SGIP1: variants seen among roughly 807,000 people sequenced by gnomAD.
SGIP1 encodes the protein SH3GL interacting endocytic adaptor 1.
Under a neutral mutation model 107.5 loss-of-function variants are expected in SGIP1, and 38 were observed. The ratio of observed to expected loss-of-function variants is 0.35; its 90% CI spans 0.27 to 0.46. SGIP1 has a LOEUF of 0.46. Among genes scored for constraint, SGIP1 ranks in the 20% least tolerant of loss-of-function variants. SGIP1 has a pLI of 1.00. For missense variants in SGIP1, 929 were observed against 1,019.5 expected (o/e 0.91, Z 1.21); for synonymous variants, 365 against 366.1 (o/e 1.00, Z 0.03).
At chr1:66,697,694 C>T (rs569230613) in intron 18 of SGIP1, among the ~76,000 whole-genome samples, 24 of 152,252 alleles carry the variant, frequency 1.6e-4, no homozygotes, top group East Asian at 3.9e-4. Flanking sequence ...CATGTATGTA[C>T]GCTAGACTCG....
At chr1:66,634,662 C>T (rs1480402603) in intron 3 of SGIP1, among the ~76,000 whole-genome samples, 2 of 152,170 alleles carry the variant, frequency 1.3e-5, no homozygotes, top group African/African-American at 2.4e-5. Flanking sequence ...TATCACTGAT[C>T]ATGATTATTA....
intron 18 of SGIP1, among the ~76,000 whole-genome samples, chr1:66,707,172 A>C (rs533880630): frequency 7.2e-5 from 11 of 152,136 alleles, no homozygotes; most frequent in African/African-American, 2.7e-4. Context: ...GTTATGCTCC[A>C]TTGTTTTCAC....
At chr1:66,631,159 T>G (rs191992660) in intron 2 of SGIP1, among the ~76,000 whole-genome samples, 13 of 152,208 alleles carry the variant, frequency 8.5e-5, no homozygotes, top group African/African-American at 2.6e-4. Context: ...TTGATGAGTA[T>G]GGATTGGTAC....
chr1:66,671,074 C>A, intron 10 of SGIP1, 55 bp downstream of exon 10: 1 of 943,182 alleles, frequency 1.1e-6, no homozygotes, highest in Non-Finnish European at 1.6e-6. Flanking sequence ...AAGAACAGTT[C>A]CTTGGATCTT....
intron 10 of SGIP1, among the ~76,000 whole-genome samples, chr1:66,671,254 T>C (rs543782091): frequency 1.1e-4 from 17 of 152,314 alleles, no homozygotes; most frequent in Admixed American, 2.6e-4. Context: ...ACATTGCTAT[T>C]TTCTTTCTAT....
At chr1:66,709,052 G>C (rs369864679) in intron 18 of SGIP1, among the ~76,000 whole-genome samples, 1 of 150,532 alleles carries the variant, frequency 6.6e-6, no homozygotes, top group South Asian at 2.1e-4. Context: ...GGATACATGC[G>C]CAGAGTTCTG....
intron 7 of SGIP1, among the ~76,000 whole-genome samples, chr1:66,653,524 A>G (rs1308109000): frequency 6.6e-6 from 1 of 152,072 alleles, no homozygotes; most frequent in African/African-American, 2.4e-5. Context: ...TAAGGGTTAG[A>G]TTTTTCTTGC....
chr1:66,644,948 T>C (rs2077412556), intron 7 of SGIP1, among the ~76,000 whole-genome samples: 1 of 152,230 alleles, frequency 6.6e-6, no homozygotes, highest in Non-Finnish European at 1.5e-5. Flanking sequence ...TAAAGTTACA[T>C]ATTGGCCTGT....
chr1:66,667,871 A>G (rs2082922395), intron 9 of SGIP1, among the ~76,000 whole-genome samples: 2 of 152,208 alleles, frequency 1.3e-5, no homozygotes. Context: ...AGAAAGTACC[A>G]TAGAAGTTGA....
At chr1:66,558,463 CTA>C (rs1387809965) in intron 1 of SGIP1, among the ~76,000 whole-genome samples, 4 of 151,738 alleles carry the variant, frequency 2.6e-5, no homozygotes, top group South Asian at 2.1e-4. Flanking sequence ...GTATATTAGA[CTA>C]TATATTATAT....
chr1:66,609,939 A>G (rs1157044498), intron 1 of SGIP1, among the ~76,000 whole-genome samples: 1 of 152,010 alleles, frequency 6.6e-6, no homozygotes, highest in Non-Finnish European at 1.5e-5. Flanking sequence ...TTTTTTCATC[A>G]TTATTAAAGT....
intron 7 of SGIP1, among the ~76,000 whole-genome samples, chr1:66,654,663 CAT>C (rs1255193046): frequency 1.3e-5 from 2 of 152,106 alleles, no homozygotes; most frequent in East Asian, 1.9e-4. Flanking sequence ...GTGAATCACT[CAT>C]ATTAATTATG....
chr1:66,616,732 C>T (rs2069414332), intron 1 of SGIP1, among the ~76,000 whole-genome samples: 1 of 152,128 alleles, frequency 6.6e-6, no homozygotes, highest in African/African-American at 2.4e-5. Context: ...CAGCAAACAC[C>T]AAGTCCTTTT....
chr1:66,635,058 A>G (rs973820382), intron 3 of SGIP1, among the ~76,000 whole-genome samples: 4 of 152,244 alleles, frequency 2.6e-5, no homozygotes, highest in African/African-American at 9.6e-5. Context: ...TCATTAATGT[A>G]GTTCCACAAA....
At chr1:66,707,177 T>C (rs568714194) in intron 18 of SGIP1, among the ~76,000 whole-genome samples, 15 of 152,150 alleles carry the variant, frequency 9.9e-5, no homozygotes, top group Non-Finnish European at 1.8e-4. Flanking sequence ...GCTCCATTGT[T>C]TTCACAACTT....
chr1:66,678,604 G>A (rs1054419584), intron 13 of SGIP1, among the ~76,000 whole-genome samples: 1 of 152,158 alleles, frequency 6.6e-6, no homozygotes, highest in African/African-American at 2.4e-5. Context: ...GCTTTCAGAA[G>A]CTCATAATTA....
intron 5 of SGIP1, 33 bp from the exon 6 acceptor site, chr1:66,642,777 A>T (rs771319682): frequency 6.4e-7 from 1 of 1,573,106 alleles, no homozygotes; most frequent in Non-Finnish European, 8.7e-7. Flanking sequence ...CTGTTAGGAT[A>T]ATAATTACTT....
intron 12 of SGIP1, 143 bp from the exon 13 acceptor site, chr1:66,676,861 C>G: frequency 1.6e-6 from 1 of 635,090 alleles, no homozygotes; most frequent in South Asian, 2.0e-5. Context: ...GAATAAGGAG[C>G]AGCACATTCC....
rs115309025 is a variant in SGIP1, at chr1:66,610,682, G to C, written c.11-15165G>C. Among the ~76,000 whole-genome samples the C allele has an allele frequency of 5.2e-3, 781 of 149,338 alleles. 7 individuals carry two copies. The highest frequency in any genetic ancestry group is 0.018 in the African/African-American group (744 of 40,542). On this transcript the variant is annotated intron_variant, in intron 1 of 24. Transcript: ENST00000371037. The stretch of plus-strand genomic sequence containing the variant: ...AGTCTTCTTCAACCATCAGCTTTAG[G>C]GGAAAAAAGGAATTCAGTAAGTCAT...
Sources: gnomAD v4.1 joint callset for allele counts (sites outside exome capture counted in the v4.1 genomes callset) on GRCh38, gnomAD v4.1.1 for gene constraint, MANE v1.5 for transcripts, NCBI Gene and HGNC (gene_info 2026-07-23, HGNC 2026-07-21) for gene names.